Variants in LRMDA observed in about 807,000 individuals in gnomAD.
The protein encoded by LRMDA is leucine rich melanocyte differentiation associated.
A neutral mutation model predicts 29.8 loss-of-function variants in LRMDA; 18 were observed. The ratio of observed to expected loss-of-function variants is 0.60; its 90% CI spans 0.42 to 0.90. The LOEUF (loss-of-function observed/expected upper bound fraction) is 0.90, where lower values mean the gene tolerates loss of function less well. Among genes scored for constraint, LRMDA ranks in the 40% least tolerant of loss-of-function variants. The pLI, the probability that LRMDA is intolerant of heterozygous loss-of-function variation, is 0.00. For missense variants in LRMDA, 273 were observed against 273.9 expected (o/e 1.00, Z 0.02); for synonymous variants, 125 against 109.4 (o/e 1.14, Z -0.89).
At position 75,431,720 on chromosome 10, in the gene LRMDA, C is replaced by T; in HGVS notation, c.-5C>T. The T allele has an allele frequency of 3.0e-6, 4 of 1,352,048 alleles. No individual in the cohort carries two copies. The highest frequency in any genetic ancestry group is 1.9e-6 in the Non-Finnish European group (2 of 1,049,316). The allele number at this position is 1,352,048 out of a possible 1,614,324, so 83.8% of individuals were successfully genotyped here. A position where few individuals can be genotyped will look rare whatever the true frequency, so the allele number is the denominator to read the frequency against. ...GTCCCGCGCGCCCGCAGCGTCCTGG[C>T]CGCCATGGCCGGGCTCGTGGTGCGT... On this transcript the variant is annotated 5_prime_UTR_variant, in exon 1 of 7. Coordinates refer to ENST00000611255, the MANE Select transcript of LRMDA (RefSeq NM_001305581.2).
chr10:75,587,958 C>T (rs1840676606), intron 2 of LRMDA, among the ~76,000 whole-genome samples: 1 of 152,164 alleles, frequency 6.6e-6, no homozygotes, highest in Admixed American at 6.5e-5. Flanking sequence ...TGTATAACCC[C>T]TAAAATCTTG....
chr10:76,094,077 C>T (rs1564651143), intron 5 of LRMDA, among the ~76,000 whole-genome samples: 1 of 152,244 alleles, frequency 6.6e-6, no homozygotes, highest in Middle Eastern at 3.4e-3. Context: ...TTGAAAGGAG[C>T]AGCACTGTTC....
intron 2 of LRMDA, among the ~76,000 whole-genome samples, chr10:75,872,376 T>G (rs182701423): frequency 1.5e-4 from 23 of 152,262 alleles, no homozygotes; most frequent in Non-Finnish European, 3.2e-4. Flanking sequence ...TGATCTTGGC[T>G]CACTGCAACC....
chr10:75,541,493 G>A (rs1051338198), intron 2 of LRMDA, among the ~76,000 whole-genome samples: 1 of 150,328 alleles, frequency 6.7e-6, no homozygotes, highest in Non-Finnish European at 1.5e-5. Context: ...TTTACATGGA[G>A]AAAATGGCCC....
chr10:76,246,172 A>G (rs1852372294), intron 5 of LRMDA, among the ~76,000 whole-genome samples: 1 of 152,114 alleles, frequency 6.6e-6, no homozygotes, highest in African/African-American at 2.4e-5. Context: ...ACGCGGTACT[A>G]CTGCTGGTGT....
intron 6 of LRMDA, among the ~76,000 whole-genome samples, chr10:76,513,382 T>C (rs1465586712): frequency 6.6e-6 from 1 of 152,202 alleles, no homozygotes; most frequent in African/African-American, 2.4e-5. Context: ...GGATCTCTGT[T>C]TTAGTTTCCC....
intron 2 of LRMDA, among the ~76,000 whole-genome samples, chr10:75,999,209 A>G (rs1184281826): frequency 1.3e-5 from 2 of 152,200 alleles, no homozygotes; most frequent in Non-Finnish European, 2.9e-5. Context: ...ACTTCCAGGA[A>G]GGGGCCTGAC....
chr10:76,248,330 G>A (rs1852413013), intron 5 of LRMDA, among the ~76,000 whole-genome samples: 2 of 152,126 alleles, frequency 1.3e-5, no homozygotes, highest in Admixed American at 1.3e-4. Flanking sequence ...ACCCTGATCT[G>A]GGCAATTGTT....
At chr10:76,007,158 A>G (rs190142786) in intron 2 of LRMDA, among the ~76,000 whole-genome samples, 16 of 152,204 alleles carry the variant, frequency 1.1e-4, no homozygotes, top group African/African-American at 3.9e-4. Flanking sequence ...TCGACAGTCT[A>G]AAGTGCTCAA....
At chr10:75,947,005 T>C (rs1031926178) in intron 2 of LRMDA, among the ~76,000 whole-genome samples, 14 of 152,282 alleles carry the variant, frequency 9.2e-5, no homozygotes, top group African/African-American at 2.9e-4. Flanking sequence ...CAGAGACACA[T>C]CTGGAACTCA....
At chr10:75,772,857 G>T (rs111881097) in intron 2 of LRMDA, among the ~76,000 whole-genome samples, 4 of 118,454 alleles carry the variant, frequency 3.4e-5, no homozygotes, top group Admixed American at 8.5e-5. Context: ...TTATTTTTTG[G>T]GGGGGGTGGG....
chr10:76,153,013 G>A (rs1165754938), intron 5 of LRMDA, among the ~76,000 whole-genome samples: 4 of 151,980 alleles, frequency 2.6e-5, no homozygotes, highest in Admixed American at 2.6e-4. Flanking sequence ...GCTAATTTTT[G>A]TATTTTTAGT....
At chr10:76,407,844 T>C (rs1379357879) in intron 6 of LRMDA, among the ~76,000 whole-genome samples, 5 of 152,266 alleles carry the variant, frequency 3.3e-5, no homozygotes, top group African/African-American at 1.2e-4. Context: ...AACATTTGTT[T>C]TGAATTAAAA....
intron 2 of LRMDA, among the ~76,000 whole-genome samples, chr10:75,787,099 T>G (rs1843483685): frequency 6.6e-6 from 1 of 152,356 alleles, no homozygotes; most frequent in African/African-American, 2.4e-5. Context: ...TCTCTGATAG[T>G]ACATTGGGGT....
At chr10:75,507,774 C>T (rs1284518958) in intron 2 of LRMDA, among the ~76,000 whole-genome samples, 1 of 152,176 alleles carries the variant, frequency 6.6e-6, no homozygotes, top group African/African-American at 2.4e-5. Flanking sequence ...AAACCCTTGG[C>T]AGAGATTTGG....
rs145549396 is a variant in LRMDA, at chr10:76,228,401, C to T, written c.517-96000C>T. 1.8e-3 allele frequency among the ~76,000 whole-genome samples: 281 copies of T among 152,166 alleles called. 2 individuals are homozygous for T. Among genetic ancestry groups the T allele is most frequent in the African/African-American group, 6.3e-3 (261 of 41,502 alleles). On this transcript the variant is annotated intron_variant, in intron 5 of 6. Transcript: ENST00000611255. ...ACAAAGACCATGGCATTGTAATAGACGGAGTTTAATAGACACCAGGCCAGG... is the reference window on the plus strand; with the variant it reads ...ACAAAGACCATGGCATTGTAATAGATGGAGTTTAATAGACACCAGGCCAGG...
chr10:75,908,103 C>T (rs1184826659), intron 2 of LRMDA, among the ~76,000 whole-genome samples: 1 of 152,176 alleles, frequency 6.6e-6, no homozygotes, highest in East Asian at 1.9e-4. Context: ...ACAGATTTTC[C>T]ATAGCCTTTA....
chr10:76,333,452 G>A (rs184122191), intron 6 of LRMDA, among the ~76,000 whole-genome samples: 7 of 152,270 alleles, frequency 4.6e-5, no homozygotes, highest in East Asian at 1.9e-4. Flanking sequence ...TGCCTCCAAA[G>A]AGCAGGTTTC....
At chr10:75,985,273 C>A (rs1294594997) in intron 2 of LRMDA, among the ~76,000 whole-genome samples, 1 of 152,188 alleles carries the variant, frequency 6.6e-6, no homozygotes, top group Non-Finnish European at 1.5e-5. Context: ...TGGCATCCAG[C>A]GTTTTCCATG....
Sources: allele counts gnomAD v4.1 joint callset (sites outside exome capture counted in the v4.1 genomes callset), GRCh38; gene constraint gnomAD v4.1.1; transcripts MANE v1.5; gene names NCBI Gene and HGNC (gene_info 2026-07-23, HGNC 2026-07-21).